Variants in LMO2 observed in about 807,000 individuals in gnomAD.
LMO2 encodes LIM domain only 2.
In LMO2, 20 loss-of-function variants were observed where a neutral mutation model predicts 23.2. The ratio of observed to expected loss-of-function variants is 0.86; its 90% CI spans 0.61 to 1.25. The LOEUF is 1.25. Among genes scored for constraint, LMO2 ranks in the 50% most tolerant of loss-of-function variants. LMO2 has a pLI of 0.00. For missense variants in LMO2, 270 were observed against 315.3 expected (o/e 0.86, Z 1.09); for synonymous variants, 123 against 130.2 (o/e 0.94, Z 0.38).
At chr11:33,863,717 T>A (rs1412199594) in intron 5 of LMO2, among the ~76,000 whole-genome samples, 1 of 152,256 alleles carries the variant, frequency 6.6e-6, no homozygotes, top group Non-Finnish European at 1.5e-5. Context: ...AAAATTCGGA[T>A]GGCCAATAGG....
At chr11:33,883,440 T>G (rs1026441131) in intron 1 of LMO2, among the ~76,000 whole-genome samples, 2 of 152,190 alleles carry the variant, frequency 1.3e-5, no homozygotes, top group African/African-American at 4.8e-5. Flanking sequence ...AGAAAGTCAG[T>G]AGGAGAGCCA....
intron 2 of LMO2, chr11:33,870,459 A>T: frequency 2.0e-6 from 2 of 985,478 alleles, no homozygotes; most frequent in Non-Finnish European, 2.4e-6. Flanking sequence ...GCTGCGGGCT[A>T]CGGGCTGCGG....
intron 4 of LMO2, among the ~76,000 whole-genome samples, chr11:33,866,537 G>A (rs1329674590): frequency 1.3e-5 from 2 of 152,202 alleles, no homozygotes; most frequent in Non-Finnish European, 2.9e-5. Context: ...CCAGGAGGCT[G>A]AGGTGGGAGG....
intron 4 of LMO2, among the ~76,000 whole-genome samples, chr11:33,868,264 G>A (rs188852977): frequency 6.6e-6 from 1 of 152,362 alleles, no homozygotes; most frequent in East Asian, 1.9e-4. Context: ...GTATGTGTGT[G>A]TGTGCGGTAT....
chr11:33,885,793 A>C (rs975795127), intron 1 of LMO2, among the ~76,000 whole-genome samples: 1 of 151,892 alleles, frequency 6.6e-6, no homozygotes, highest in African/African-American at 2.4e-5. Flanking sequence ...GATGTGGGTA[A>C]CTGGTGGGCA....
In LMO2 at chr11:33,864,720, C is replaced by G. The variant is rs765044336; in HGVS notation, c.346G>C (p.Asp116His). ...IGDRYFLKAIDQYWHEDCLSC... is the reference protein window; with the variant it reads ...IGDRYFLKAIHQYWHEDCLSC... ...AGGCAGTCCTCGTGCCAGTACTGGTCGATGGCCTTCAGGAAGTAGCGGTCC... is the reference window on the plus strand; with the variant it reads ...AGGCAGTCCTCGTGCCAGTACTGGTGGATGGCCTTCAGGAAGTAGCGGTCC... Residue 116 changes from aspartate (D) to histidine (H), a missense_variant, in exon 5 of 6, where the codon GAC becomes CAC. Asp to His is a moderately conservative substitution (Grantham distance 81, BLOSUM62 -1). Around this residue, in one of 2 missense-constraint regions of LMO2, gnomAD observed 170 missense variants for 162.0 expected, o/e 1.05. Coordinates refer to ENST00000257818, the MANE Select transcript of LMO2 (RefSeq NM_005574.4). This position sits in a 1 kb window ranked among gnomAD's most constrained non-coding sequence, Gnocchi z 4.8. The G allele has an allele frequency of 6.2e-7, 1 of 1,614,040 alleles. No individual in the cohort carries two copies. The highest frequency in any genetic ancestry group is 8.5e-7 in the Non-Finnish European group (1 of 1,180,018).
At chr11:33,889,406 T>G (rs1397468497) in intron 1 of LMO2, among the ~76,000 whole-genome samples, 1 of 152,112 alleles carries the variant, frequency 6.6e-6, no homozygotes, top group African/African-American at 2.4e-5. Context: ...GGCAGCAGCA[T>G]CCGTTCAACA....
At chr11:33,877,750 C>G (rs1857169937) in intron 2 of LMO2, among the ~76,000 whole-genome samples, 1 of 152,058 alleles carries the variant, frequency 6.6e-6, no homozygotes, top group Non-Finnish European at 1.5e-5. Context: ...CAGGTGTAAG[C>G]CACTGCACCC....
intron 1 of LMO2, among the ~76,000 whole-genome samples, chr11:33,883,109 A>C (rs778181170): frequency 1.3e-5 from 2 of 152,202 alleles, no homozygotes; most frequent in African/African-American, 2.4e-5. Flanking sequence ...GTGTATTTGC[A>C]TATTGTCTTT....
At position 33,869,631 on chromosome 11, in the gene LMO2, C is replaced by G. The variant is rs747528150; in HGVS notation, c.8-45G>C. ...AGAGCGAATCACCGGGCTGCGGGCG[C>G]GCCGCGGCCGAGGCGGGGGCCGGGG... On this transcript the variant is annotated intron_variant, in intron 3 of 5. Coordinates refer to ENST00000257818, the MANE Select transcript of LMO2 (RefSeq NM_005574.4). The G allele has an allele frequency of 1.5e-5, 19 of 1,258,274 alleles. No individual in the cohort carries two copies. In the African/African-American group the frequency reaches 3.1e-4, roughly 20 times the overall value. 77.9% of individuals were successfully genotyped at this position (1,258,274 alleles called of 1,614,324 possible).
intron 2 of LMO2, chr11:33,870,500 TCCGGGCTGCGGC>T: frequency 1.0e-6 from 1 of 986,848 alleles, no homozygotes; most frequent in Non-Finnish European, 1.2e-6. Context: ...GGCTGCGGGC[TCCGGGCTGCGGC>T]CGCGCTCTGC....
chr11:33,874,874 TA>T (rs1286436360), intron 2 of LMO2, among the ~76,000 whole-genome samples: 16 of 152,346 alleles, frequency 1.1e-4, no homozygotes, highest in African/African-American at 1.7e-4. Flanking sequence ...ATTTATAATT[TA>T]AAAAAGAAGC....
In LMO2 at chr11:33,859,404, C is replaced by T; in HGVS notation, c.636G>A (p.Val212=). Reference sequence around the variant, plus strand: ...TCCACTCGTAGATGTCCTGTTCGCACACTATGTCAGAGTTGATGAGGAGGT... The same window carrying T: ...TCCACTCGTAGATGTCCTGTTCGCATACTATGTCAGAGTTGATGAGGAGGT... ...DRYLLINSDI[V]CEQDIYEWTK... The change falls in exon 6 of 6, where the codon GTG becomes GTA. Residue 212 remains valine (V), a synonymous_variant. Coordinates refer to ENST00000257818, the MANE Select transcript of LMO2 (RefSeq NM_005574.4). 2 of 1,614,138 alleles carry T rather than the reference C, an allele frequency of 1.2e-6. 1 individual carries two copies.
chr11:33,869,196 A>C, intron 4 of LMO2, 150 bp downstream of exon 4: 7 of 408,504 alleles, frequency 1.7e-5, no homozygotes, highest in Non-Finnish European at 1.8e-5. Context: ...CCCGGGAGGA[A>C]GGAGGAGCCC....
intron 4 of LMO2, among the ~76,000 whole-genome samples, chr11:33,868,162 T>G (rs1856854251): frequency 6.6e-6 from 1 of 152,246 alleles, no homozygotes; most frequent in African/African-American, 2.4e-5. Flanking sequence ...TGGTACTTCC[T>G]GTGTTTTATG....
chr11:33,869,608 A>G, intron 3 of LMO2, 22 bp from the exon 4 acceptor site: 1 of 1,272,508 alleles, frequency 7.9e-7, no homozygotes, highest in Non-Finnish European at 1.0e-6. Context: ...AAAGAGAGAG[A>G]GCGAATCACC....
intron 4 of LMO2, 82 bp downstream of exon 4, chr11:33,869,264 C>T: frequency 9.4e-7 from 1 of 1,063,880 alleles, no homozygotes; most frequent in Non-Finnish European, 1.2e-6. Context: ...AGCCCCCTCG[C>T]GGGCCGCCCG....
Position 33,870,459 on chromosome 11 carries a change from ACGGGCTGCGGGCCCCAGGCTGCGGGCTC to A in LMO2, c.-271-500_-271-473del, listed in dbSNP as rs765305698. On this transcript the variant is annotated intron_variant, in intron 2 of 5. Transcript: ENST00000257818. ...AGCGCGGCTCTGCGGGCTGCGGGCT[ACGGGCTGCGGGCCCCAGGCTGCGGGCTC>A]CGGGCTGCGGGCTCCGGGCTGCGGC... The A allele has an allele frequency of 3.8e-3, 3,785 of 985,460 alleles. 9 individuals are homozygous for A. The highest frequency in any genetic ancestry group is 4.3e-3 in the Non-Finnish European group (3,532 of 830,286). 61.0% of individuals were successfully genotyped at this position (985,460 alleles called of 1,614,324 possible). A position where few individuals can be genotyped will look rare whatever the true frequency, so the allele number is the denominator to read the frequency against.
chr11:33,871,016 A>T, intron 2 of LMO2: 2 of 968,604 alleles, frequency 2.1e-6, no homozygotes, highest in Non-Finnish European at 2.5e-6. Context: ...GATGCCAGTC[A>T]TTAAGGCTTG....
Sources: allele counts gnomAD v4.1 joint callset (sites outside exome capture counted in the v4.1 genomes callset), GRCh38; gene constraint gnomAD v4.1.1; regional missense constraint gnomAD v4.1.1; non-coding constraint Gnocchi (gnomAD v3.1); transcripts MANE v1.5; gene names NCBI Gene and HGNC (gene_info 2026-07-23, HGNC 2026-07-21).